The following PCDHGA5 variants were observed in gnomAD, a reference collection of about 807,000 sequenced individuals.
PCDHGA5 encodes protocadherin gamma-A5.
PCDHGA5 carries 36 observed loss-of-function variants against 56.7 expected under a neutral mutation model. That is an observed-to-expected ratio of 0.64 (90% CI 0.49 to 0.84). The LOEUF (loss-of-function observed/expected upper bound fraction) is 0.84, where lower values mean the gene tolerates loss of function less well. Ranked by LOEUF, PCDHGA5 falls within the 40% of genes least tolerant of loss-of-function variation. The pLI is 0.00. For synonymous variants in PCDHGA5, 563 were observed against 520.2 expected (o/e 1.08, Z -1.12); for missense variants, 1,305 against 1,201.5 (o/e 1.09, Z -1.27).
chr5:141,372,653 T>A, intron 1 of PCDHGA5: 1 of 1,614,032 alleles, frequency 6.2e-7, no homozygotes. Context: ...ATTCCTACAA[T>A]CCGTGTGCTG....
intron 3 of PCDHGA5, among the ~76,000 whole-genome samples, 153 bp from the exon 4 acceptor site, chr5:141,510,790 GAAGA>G (rs982513431): frequency 6.6e-5 from 10 of 152,264 alleles, no homozygotes; most frequent in African/African-American, 2.4e-4. Context: ...CAACTCTTGT[GAAGA>G]GAGACTACCT....
Position 141,431,877 on chromosome 5 carries a change from AC to A in PCDHGA5, c.2422-62928del. 1 of 1,614,230 alleles carries A rather than the reference AC, an allele frequency of 6.2e-7. No individual in the cohort carries two copies. The highest frequency in any genetic ancestry group is 1.3e-5 in the African/African-American group (1 of 75,070). ...TTAATTGCCCTTTTAAATGTAAATGACCAAGATTCTGAGGAAAACGGACAGG... is the reference window on the plus strand; with the variant it reads ...TTAATTGCCCTTTTAAATGTAAATGACAAGATTCTGAGGAAAACGGACAGG... On this transcript the variant is annotated intron_variant, in intron 1 of 3. Coordinates refer to ENST00000518069, the MANE Select transcript of PCDHGA5 (RefSeq NM_018918.3). The surrounding 1 kb of genome is among the most constrained non-coding windows in gnomAD (Gnocchi z 4.8).
At chr5:141,445,282 T>G (rs1023693067) in intron 1 of PCDHGA5, among the ~76,000 whole-genome samples, 4 of 152,220 alleles carry the variant, frequency 2.6e-5, no homozygotes, top group Non-Finnish European at 5.9e-5. Context: ...TCTGCATAAG[T>G]TCAGGCTTCC....
At chr5:141,422,013 G>A (rs755656791) in intron 1 of PCDHGA5, 1 of 1,610,536 alleles carries the variant, frequency 6.2e-7, no homozygotes. Context: ...GAACTCGGGT[G>A]CTGATGGTTA....
chr5:141,375,702 C>T, intron 1 of PCDHGA5: 2 of 1,614,242 alleles, frequency 1.2e-6, no homozygotes, highest in Non-Finnish European at 1.7e-6. Flanking sequence ...AGCGGGGACC[C>T]GCCTCTTAGC....
chr5:141,403,181 C>G (rs1182793881), intron 1 of PCDHGA5: 2 of 1,614,006 alleles, frequency 1.2e-6, no homozygotes, highest in Non-Finnish European at 1.7e-6. Context: ...GCTTTTCTCT[C>G]TGAACCCGCG....
Position 141,489,992 on chromosome 5 carries a change from TC to T in PCDHGA5, c.2422-4812del. The T allele has an allele frequency of 6.2e-7, 1 of 1,614,216 alleles. No individual in the cohort carries two copies. The highest frequency in any genetic ancestry group is 8.5e-7 in the Non-Finnish European group (1 of 1,180,016). On this transcript the variant is annotated intron_variant, in intron 1 of 3. Coordinates refer to ENST00000518069, the MANE Select transcript of PCDHGA5 (RefSeq NM_018918.3). The surrounding 1 kb of genome is among the most constrained non-coding windows in gnomAD (Gnocchi z 4.5). The stretch of plus-strand genomic sequence containing the variant: ...CAATCCTCAGTTCTACGTGTGGGAA[TC>T]CCAGAGAATGCACCCATTGGTACTC...
rs1763319753 is a variant in PCDHGA5, at chr5:141,364,426, C to T, written c.96C>T (p.Arg32=). 1 of 1,613,566 alleles carries T rather than the reference C, an allele frequency of 6.2e-7. No individual in the cohort carries two copies. The change falls in exon 1 of 4, where the codon CGC becomes CGT. Residue 32 remains arginine (R), a synonymous_variant. Transcript: ENST00000518069. Reference sequence around the variant, plus strand: ...GCGAGCCAGGATCCGGGCAGATCCGCTACTCGATGCCGGAGGAGCTGGACA... The same window carrying T: ...GCGAGCCAGGATCCGGGCAGATCCGTTACTCGATGCCGGAGGAGCTGGACA... ...TLCEPGSGQI[R]YSMPEELDKG... is the part of the protein sequence containing the mutation.
chr5:141,419,905 T>G (rs916259620), intron 1 of PCDHGA5: 23 of 1,613,978 alleles, frequency 1.4e-5, no homozygotes, highest in Non-Finnish European at 1.9e-5. Context: ...CCACACCCTC[T>G]GACTCCCAGG....
intron 1 of PCDHGA5, chr5:141,478,713 G>A (rs745990290): frequency 1.9e-6 from 3 of 1,546,642 alleles, no homozygotes; most frequent in African/African-American, 2.7e-5. Context: ...TTGTGAGATG[G>A]TGGCCTGCCA....
chr5:141,375,335 T>C, intron 1 of PCDHGA5: 2 of 1,613,812 alleles, frequency 1.2e-6, no homozygotes, highest in Non-Finnish European at 1.7e-6. Flanking sequence ...GGTATTCTTG[T>C]ACAACATCAC....
chr5:141,432,335 C>T lies in PCDHGA5; in HGVS notation c.2422-62472C>T, dbSNP rs146691720. On this transcript the variant is annotated intron_variant, in intron 1 of 3. Coordinates refer to ENST00000518069, the MANE Select transcript of PCDHGA5 (RefSeq NM_018918.3). This position sits in a 1 kb window ranked among gnomAD's most constrained non-coding sequence, Gnocchi z 6.0. ...GAGCTCCTTCGACTACGAGCAGTTC[C>T]GAGACTTGCAAGTGAAAGTGATGGC... 2.6e-5 allele frequency: 42 copies of T among 1,614,126 alleles called. No individual in the cohort carries two copies. Among genetic ancestry groups the T allele is most frequent in the African/African-American group, 1.2e-4 (9 of 74,940 alleles).
rs1358954122 is a variant in PCDHGA5, at chr5:141,491,553, C to T, written c.2422-3254C>T. On this transcript the variant is annotated intron_variant, in intron 1 of 3. Coordinates refer to ENST00000518069, the MANE Select transcript of PCDHGA5 (RefSeq NM_018918.3). This position sits in a 1 kb window ranked among gnomAD's most constrained non-coding sequence, Gnocchi z 6.9. ...CGCTGCGGCCCACAGACTCGCAGAG[C>T]CACTGCTACAGGACGTGCTTTTCAC... The T allele has an allele frequency of 6.2e-7, 1 of 1,613,954 alleles. No homozygotes were observed.
rs1047637676 is a variant in PCDHGA5, at chr5:141,449,606, A to G, written c.2422-45201A>G. The stretch of plus-strand genomic sequence containing the variant: ...TCTGTCTCAAAAAAAAAAAAAAAAA[A>G]AGTAAAAAAGTTTTTTAAAAAGATG... On this transcript the variant is annotated intron_variant, in intron 1 of 3. Transcript: ENST00000518069. 3.9e-3 allele frequency among the ~76,000 whole-genome samples: 591 copies of G among 150,802 alleles called. 2 individuals carry two copies. The highest frequency in any genetic ancestry group is 0.01 in the Middle Eastern group (3 of 290).
chr5:141,414,920 C>A (rs1222364302), intron 1 of PCDHGA5: 1 of 1,614,146 alleles, frequency 6.2e-7, no homozygotes, highest in South Asian at 1.1e-5. Flanking sequence ...GTGGAGCTGG[C>A]GCCCCGCTCC....
At chr5:141,384,447 G>T in intron 1 of PCDHGA5, 1 of 1,614,008 alleles carries the variant, frequency 6.2e-7, no homozygotes, top group African/African-American at 1.3e-5. Flanking sequence ...TCCTGTACGC[G>T]CTGCAATCCT....
intron 1 of PCDHGA5, among the ~76,000 whole-genome samples, chr5:141,406,174 G>A (rs990967391): frequency 2.6e-5 from 4 of 151,264 alleles, no homozygotes; most frequent in African/African-American, 9.7e-5. Flanking sequence ...CTGGGCTTAT[G>A]CAATCCTCCC....
chr5:141,409,912 C>T (rs775668669), intron 1 of PCDHGA5: 5 of 1,613,180 alleles, frequency 3.1e-6, no homozygotes, highest in Non-Finnish European at 2.5e-6. Context: ...TGGGTCCTGA[C>T]GGCTCCGCGT....
chr5:141,435,760 T>C (rs1241767830), intron 1 of PCDHGA5, among the ~76,000 whole-genome samples: 1 of 152,172 alleles, frequency 6.6e-6, no homozygotes, highest in Non-Finnish European at 1.5e-5. Context: ...TTGATTTCTT[T>C]TGGTGAATTC....
Sources: allele counts gnomAD v4.1 joint callset (sites outside exome capture counted in the v4.1 genomes callset), GRCh38; gene constraint gnomAD v4.1.1; non-coding constraint Gnocchi (gnomAD v3.1); transcripts MANE v1.5; gene names NCBI Gene and HGNC (gene_info 2026-07-23, HGNC 2026-07-21).